CALCR: variants seen among roughly 807,000 people sequenced by gnomAD.
CALCR encodes the protein calcitonin receptor.
A neutral mutation model predicts 59.5 loss-of-function variants in CALCR; 47 were observed. The ratio of observed to expected loss-of-function variants is 0.79; its 90% CI spans 0.63 to 1.01. The LOEUF is 1.01. Ranked by LOEUF, CALCR falls within the 50% of genes least tolerant of loss-of-function variation. The pLI is 0.00. For missense variants in CALCR, 566 were observed against 597.1 expected, an observed-to-expected ratio of 0.95 and a Z score of 0.54; for synonymous variants, 213 against 211.3, an observed-to-expected ratio of 1.01 and a Z score of -0.07.
At chr7:93,474,792 G>A (rs909316557) in intron 5 of CALCR, among the ~76,000 whole-genome samples, 2 of 151,662 alleles carry the variant, frequency 1.3e-5, no homozygotes, top group African/African-American at 4.8e-5. Flanking sequence ...CATTTCTCAG[G>A]GAAAATATTT....
chr7:93,524,053 TTAG>T (rs1470733753), intron 2 of CALCR, among the ~76,000 whole-genome samples: 2 of 152,022 alleles, frequency 1.3e-5, no homozygotes, highest in Non-Finnish European at 2.9e-5. Context: ...TTTCATCATA[TTAG>T]TAGTAATGTT....
At chr7:93,448,162 T>G (rs1433846977) in intron 8 of CALCR, among the ~76,000 whole-genome samples, 1 of 151,960 alleles carries the variant, frequency 6.6e-6, no homozygotes, top group Admixed American at 6.6e-5. Context: ...CATGATACAT[T>G]TCGTGTGCAC....
At chr7:93,504,239 T>TC (rs907845492) in intron 2 of CALCR, among the ~76,000 whole-genome samples, 1 of 152,090 alleles carries the variant, frequency 6.6e-6, no homozygotes, top group South Asian at 2.1e-4. Flanking sequence ...CTTTGGAAAT[T>TC]CCCCCCAACA....
chr7:93,504,278 C>T (rs997340684), intron 2 of CALCR, among the ~76,000 whole-genome samples: 5 of 152,184 alleles, frequency 3.3e-5, no homozygotes, highest in Non-Finnish European at 7.4e-5. Context: ...TTCTATCTTA[C>T]ATTTCACACT....
intron 2 of CALCR, among the ~76,000 whole-genome samples, chr7:93,509,770 TTA>T (rs1322179840): frequency 6.6e-6 from 1 of 152,102 alleles, no homozygotes; most frequent in Non-Finnish European, 1.5e-5. Context: ...ATCAAATAAA[TTA>T]TATATATGAC....
intron 2 of CALCR, among the ~76,000 whole-genome samples, chr7:93,573,248 A>G (rs1006132260): frequency 3.9e-5 from 6 of 152,210 alleles, no homozygotes; most frequent in African/African-American, 1.4e-4. Context: ...TGGTAAGTCA[A>G]CTGGCCCAAA....
chr7:93,473,589 CCT>C (rs1491301412), intron 5 of CALCR, among the ~76,000 whole-genome samples: 1,926 of 121,108 alleles, frequency 0.016, 26 homozygotes, highest in African/African-American at 0.064. Flanking sequence ...GGCCCCCCCC[CCT>C]TTTTTTTTTT....
intron 2 of CALCR, among the ~76,000 whole-genome samples, chr7:93,506,310 G>T (rs747972420): frequency 1.8e-4 from 28 of 152,174 alleles, no homozygotes; most frequent in Non-Finnish European, 2.8e-4. Context: ...TTTTGGGGAG[G>T]TTCATAAGTT....
Position 93,477,479 on chromosome 7 carries a change from G to A in CALCR, c.316+79C>T, listed in dbSNP as rs1031164513. The A allele has an allele frequency of 4.3e-6, 4 of 935,734 alleles. No individual in the cohort carries two copies. In the South Asian group the frequency reaches 4.3e-5, roughly 10 times the overall value. The allele number at this position is 935,734 out of a possible 1,614,324, so 58.0% of individuals were successfully genotyped here. On this transcript the variant is annotated intron_variant, in intron 5 of 13. Coordinates refer to ENST00000426151, the MANE Select transcript of CALCR (RefSeq NM_001742.4). The stretch of plus-strand genomic sequence containing the variant: ...GAGTATGATTAGGTGGGTACATTTT[G>A]TATCTGATTTTCTTCTCAAAACCAT...
intron 7 of CALCR, among the ~76,000 whole-genome samples, chr7:93,464,148 C>T (rs770948027): frequency 6.6e-6 from 1 of 151,806 alleles, no homozygotes; most frequent in East Asian, 1.9e-4. Context: ...TAGTACCCTA[C>T]GTGTGTGTGA....
rs759481314 is a variant in CALCR, at chr7:93,443,809, C to T, written c.649-52G>A. ...GAGAAAGACACAGGTAAAGATCTGCCAGGGAGCACAGAGCAAATGTGAAAA... is the reference window on the plus strand; with the variant it reads ...GAGAAAGACACAGGTAAAGATCTGCTAGGGAGCACAGAGCAAATGTGAAAA... On this transcript the variant is annotated intron_variant, in intron 8 of 13. Transcript: ENST00000426151. 3 of 1,511,710 alleles carry T rather than the reference C, an allele frequency of 2.0e-6. No individual in the cohort carries two copies. The South Asian group carries it at 3.5e-5, about 17-fold the overall frequency. 93.6% of individuals were successfully genotyped at this position (1,511,710 alleles called of 1,614,324 possible). A position where few individuals can be genotyped will look rare whatever the true frequency, so the allele number is the denominator to read the frequency against.
chr7:93,470,404 C>A (rs1800527157), intron 6 of CALCR, among the ~76,000 whole-genome samples: 2 of 151,802 alleles, frequency 1.3e-5, no homozygotes, highest in Non-Finnish European at 2.9e-5. Flanking sequence ...CTATGTAGAA[C>A]ACTCTTGCCC....
intron 6 of CALCR, among the ~76,000 whole-genome samples, chr7:93,471,424 T>G (rs769963915): frequency 2.0e-5 from 3 of 151,804 alleles, no homozygotes; most frequent in Non-Finnish European, 4.4e-5. Context: ...GTCCCTCCTA[T>G]TCAAGTGGTC....
At chr7:93,545,212 TAGTC>T (rs775184642) in intron 2 of CALCR, among the ~76,000 whole-genome samples, 9 of 152,250 alleles carry the variant, frequency 5.9e-5, no homozygotes, top group Non-Finnish European at 1.0e-4. Context: ...TAAAGGAACT[TAGTC>T]GGCTCCTGAA....
chr7:93,438,519 G>A (rs1239510467), intron 9 of CALCR, among the ~76,000 whole-genome samples: 1 of 152,164 alleles, frequency 6.6e-6, no homozygotes, highest in Non-Finnish European at 1.5e-5. Flanking sequence ...TTTACAAATT[G>A]CTGAATGTAG....
chr7:93,456,458 A>G (rs904043270), intron 8 of CALCR, among the ~76,000 whole-genome samples: 2 of 151,706 alleles, frequency 1.3e-5, no homozygotes, highest in African/African-American at 2.4e-5. Context: ...AGTTTGAAAG[A>G]GGTAAAAATG....
chr7:93,484,573 G>T (rs1800897631), intron 3 of CALCR, among the ~76,000 whole-genome samples: 1 of 151,692 alleles, frequency 6.6e-6, no homozygotes, highest in African/African-American at 2.4e-5. Context: ...TTCAAAATAA[G>T]AAAGGACAAA....
At chr7:93,549,301 A>G (rs1204357924) in intron 2 of CALCR, among the ~76,000 whole-genome samples, 1 of 152,122 alleles carries the variant, frequency 6.6e-6, no homozygotes, top group Non-Finnish European at 1.5e-5. Context: ...AAGTAAGGGC[A>G]ATAACATATT....
At chr7:93,475,560 A>T (rs1432493443) in intron 5 of CALCR, among the ~76,000 whole-genome samples, 1 of 151,842 alleles carries the variant, frequency 6.6e-6, no homozygotes, top group Admixed American at 6.6e-5. Flanking sequence ...TTTAAATAAA[A>T]TGAATGTAAT....
Sources: gnomAD v4.1 joint callset for allele counts (sites outside exome capture counted in the v4.1 genomes callset) on GRCh38, gnomAD v4.1.1 for gene constraint, MANE v1.5 for transcripts, NCBI Gene and HGNC (gene_info 2026-07-23, HGNC 2026-07-21) for gene names.